Variants in ZFP42 observed in about 807,000 individuals in gnomAD.
The protein encoded by ZFP42 is zinc finger protein 42 homolog.
For missense variants in ZFP42, 438 were observed against 377.1 expected (o/e 1.16, Z -1.34); for synonymous variants, 175 against 144.6 (o/e 1.21, Z -1.51).
rs750896059 is a variant in ZFP42, at chr4:188,003,107, A to T, written c.300A>T (p.Lys100Asn). Residue 100 changes from lysine (K) to asparagine (N), a missense_variant, in exon 4 of 4, where the codon AAA becomes AAT. By Grantham distance (94) the Lys-to-Asn change is moderately conservative. Coordinates refer to ENST00000326866, the MANE Select transcript of ZFP42 (RefSeq NM_174900.5). ...TTGAGTCCTTGGAATACCTAAAGAA[A>T]GGATCAGAACAACAGCTTTCTCAAA... ...SLFESLEYLK[K>N]GSEQQLSQKV... The T allele has an allele frequency of 6.2e-7, 1 of 1,614,154 alleles. No homozygotes were observed. Among genetic ancestry groups the T allele is most frequent in the South Asian group, 1.1e-5 (1 of 91,088 alleles).
rs147351388 is a variant in ZFP42, at chr4:188,003,639, C to T, written c.832C>T (p.Pro278Ser). ...CACGGGGGAGAAACGTTTCGTGTGT[C>T]CCTTTCAAGGCTGCAACAGGAGGTT... ...IHTGEKRFVC[P>S]FQGCNRRFIQ... The change falls in exon 4 of 4, where the codon CCC becomes TCC. Residue 278 changes from proline to serine, a missense_variant. Pro to Ser is a moderately conservative substitution (Grantham distance 74). Coordinates refer to ENST00000326866, the MANE Select transcript of ZFP42 (RefSeq NM_174900.5). 2.0e-4 allele frequency: 324 copies of T among 1,613,430 alleles called. No homozygotes were observed. Among genetic ancestry groups the T allele is most frequent in the Non-Finnish European group, 2.6e-4 (309 of 1,180,002 alleles).
chr4:187,997,106 T>G (rs1733619180), intron 1 of ZFP42, among the ~76,000 whole-genome samples: 1 of 151,932 alleles, frequency 6.6e-6, no homozygotes, highest in Non-Finnish European at 1.5e-5. Flanking sequence ...TTCGCTCGTC[T>G]CTTCCCACCC....
chr4:187,997,080 C>G (rs2111172106), intron 1 of ZFP42, among the ~76,000 whole-genome samples: 1 of 151,402 alleles, frequency 6.6e-6, no homozygotes, highest in South Asian at 2.1e-4. Flanking sequence ...GCGCCGGCAG[C>G]CTGGAACCAG....
rs751104401 is a variant in ZFP42 at position 188,003,135 on chromosome 4, G to GT, written c.332dup (p.Glu112ArgfsTer6). The GT allele has an allele frequency of 6.2e-7, 1 of 1,614,088 alleles. No individual in the cohort carries two copies. Among genetic ancestry groups the GT allele is most frequent in the Admixed American group, 1.7e-5 (1 of 60,016 alleles). On this transcript the variant is annotated frameshift_variant, in exon 4 of 4. Coordinates refer to ENST00000326866, the MANE Select transcript of ZFP42 (RefSeq NM_174900.5). LOFTEE classifies it low-confidence loss of function (END_TRUNC). ...ATCAGAACAACAGCTTTCTCAAAAG[G>GT]TTTTCGAAGCAAGCTCCCTTGAATG...
chr4:187,996,914 G>A (rs1733595072), intron 1 of ZFP42, among the ~76,000 whole-genome samples: 1 of 152,046 alleles, frequency 6.6e-6, no homozygotes, highest in East Asian at 1.9e-4. Flanking sequence ...AATGCAAATG[G>A]TCCCGGGGCT....
chr4:187,998,734 G>C (rs1186016183), intron 1 of ZFP42, among the ~76,000 whole-genome samples: 1 of 152,160 alleles, frequency 6.6e-6, no homozygotes, highest in Non-Finnish European at 1.5e-5. Flanking sequence ...TGTGTAACCT[G>C]GGTGAGTTGC....
At chr4:187,997,673 T>C (rs1424711700) in intron 1 of ZFP42, among the ~76,000 whole-genome samples, 1 of 152,184 alleles carries the variant, frequency 6.6e-6, no homozygotes, top group Non-Finnish European at 1.5e-5. Context: ...CTAGAACGAA[T>C]ACTAAATGTA....
rs1733996560 is a variant in ZFP42 at position 188,004,900 on chromosome 4, T to G, written c.*1160T>G. 1 of 167,134 alleles carries G rather than the reference T, an allele frequency of 6.0e-6. No homozygotes were observed. The highest frequency in any genetic ancestry group is 2.1e-4 in the South Asian group (1 of 4,836). 10.4% of individuals were successfully genotyped at this position (167,134 alleles called of 1,614,324 possible). ...ATCAGTAGTTAAATATTCCTTAAAG[T>G]CAACTGTATTTCATTGTGATTTTTG... On this transcript the variant is annotated 3_prime_UTR_variant, in exon 4 of 4. Transcript: ENST00000326866.
At chr4:188,001,505 A>T (rs1306507223) in intron 3 of ZFP42, among the ~76,000 whole-genome samples, 3 of 152,180 alleles carry the variant, frequency 2.0e-5, no homozygotes, top group Non-Finnish European at 4.4e-5. Context: ...TATTCTCTGG[A>T]TCCCCATTTT....
chr4:187,996,594 G>C (rs1032463708), intron 1 of ZFP42, among the ~76,000 whole-genome samples: 1 of 151,998 alleles, frequency 6.6e-6, no homozygotes, highest in Non-Finnish European at 1.5e-5. Context: ...ACAGGCGTGA[G>C]CCACCGCGCC....
chr4:188,001,992 C>T (rs1283340887), intron 3 of ZFP42, among the ~76,000 whole-genome samples: 1 of 152,126 alleles, frequency 6.6e-6, no homozygotes. Flanking sequence ...GCCTGACCAA[C>T]ATGGTGAAAC....
chr4:188,002,322 T>G (rs541954167), intron 3 of ZFP42, among the ~76,000 whole-genome samples: 8 of 152,394 alleles, frequency 5.2e-5, no homozygotes, highest in African/African-American at 1.9e-4. Context: ...CCAGCCCCTT[T>G]GCTTACTCTT....
intron 3 of ZFP42, 50 bp from the exon 4 acceptor site, chr4:188,002,663 G>T: frequency 1.5e-6 from 1 of 684,386 alleles, no homozygotes; most frequent in Non-Finnish European, 2.5e-6. Flanking sequence ...TTTTGACAGT[G>T]GCTCTAATAC....
rs990645751 is a variant in ZFP42 at position 188,001,284 on chromosome 4, T to C, written c.-95-1429T>C. 1.1e-4 allele frequency among the ~76,000 whole-genome samples: 16 copies of C among 152,234 alleles called. 1 individual carries two copies. The East Asian group carries it at 1.6e-3, about 15-fold the overall frequency. On this transcript the variant is annotated intron_variant, in intron 3 of 3. Coordinates refer to ENST00000326866, the MANE Select transcript of ZFP42 (RefSeq NM_174900.5). The stretch of plus-strand genomic sequence containing the variant: ...TACAGAAAGACATCAGGACAATAAA[T>C]AGGGAGATCTTTTCTCAGGCACACA...
chr4:188,003,964 T>C lies in ZFP42; in HGVS notation c.*224T>C. The C allele has an allele frequency of 2.1e-6, 1 of 467,988 alleles. No homozygotes were observed. The highest frequency in any genetic ancestry group is 3.9e-6 in the Non-Finnish European group (1 of 258,968). The allele number at this position is 467,988 out of a possible 1,614,324, so 29.0% of individuals were successfully genotyped here. A position where few individuals can be genotyped will look rare whatever the true frequency, so the allele number is the denominator to read the frequency against. On this transcript the variant is annotated 3_prime_UTR_variant, in exon 4 of 4. Coordinates refer to ENST00000326866, the MANE Select transcript of ZFP42 (RefSeq NM_174900.5). ...TATTTAGAACTTTTTTTATTTGTTTTATTTAGAACTTTGTGTGTTCTTAAA... is the reference window on the plus strand; with the variant it reads ...TATTTAGAACTTTTTTTATTTGTTTCATTTAGAACTTTGTGTGTTCTTAAA...
At position 187,998,483 on chromosome 4, in the gene ZFP42, C is replaced by T. The variant is rs115608583; in HGVS notation, c.-338-625C>T. 4.3e-3 allele frequency among the ~76,000 whole-genome samples: 662 copies of T among 152,270 alleles called. 6 individuals carry two copies. Among genetic ancestry groups the T allele is most frequent in the African/African-American group, 0.015 (627 of 41,528 alleles). ...TAAAGCCTACAGTTGTGTACAGTGG[C>T]GTCCCAGGCCTTCATTCACTCAACA... On this transcript the variant is annotated intron_variant, in intron 1 of 3. Transcript: ENST00000326866.
At chr4:188,001,734 G>GT (rs1220260454) in intron 3 of ZFP42, among the ~76,000 whole-genome samples, 1 of 152,216 alleles carries the variant, frequency 6.6e-6, no homozygotes, top group East Asian at 1.9e-4. Context: ...AACCTGGCGT[G>GT]TAGCAGGATG....
chr4:188,002,803 A>G lies in ZFP42; in HGVS notation c.-5A>G. ...AACCTTCAAGAAGGGCACAGGCAGG[A>G]AAACATGAGCCAGCAACTGAAGAAA... is the stretch of plus-strand genomic sequence containing the variant. On this transcript the variant is annotated 5_prime_UTR_variant, in exon 4 of 4. Coordinates refer to ENST00000326866, the MANE Select transcript of ZFP42 (RefSeq NM_174900.5). 1 of 1,613,326 alleles carries G rather than the reference A, an allele frequency of 6.2e-7. No individual in the cohort carries two copies. Among genetic ancestry groups the G allele is most frequent in the Non-Finnish European group, 8.5e-7 (1 of 1,179,644 alleles).
At chr4:188,002,171 C>T (rs1421011011) in intron 3 of ZFP42, among the ~76,000 whole-genome samples, 2 of 151,950 alleles carry the variant, frequency 1.3e-5, no homozygotes, top group South Asian at 4.1e-4. Context: ...AGTGAGACTC[C>T]GTCTCCAAAA....
Sources: gnomAD v4.1 joint callset for allele counts (sites outside exome capture counted in the v4.1 genomes callset) on GRCh38, gnomAD v4.1.1 for gene constraint, MANE v1.5 for transcripts, NCBI Gene and HGNC (gene_info 2026-07-23, HGNC 2026-07-21) for gene names.